PCSK2: variants seen among roughly 807,000 people sequenced by gnomAD.
PCSK2 encodes proprotein convertase subtilisin/kexin type 2.
A neutral mutation model predicts 69.7 loss-of-function variants in PCSK2; 14 were observed. The observed-to-expected ratio is 0.20, with a 90% confidence interval of 0.13 to 0.31. PCSK2 has a LOEUF of 0.31. Among genes scored for constraint, PCSK2 ranks in the 10% least tolerant of loss-of-function variants. The pLI is 1.00. For synonymous variants in PCSK2, 307 were observed against 320.7 expected, an observed-to-expected ratio of 0.96 and a Z score of 0.46; for missense variants, 544 against 842.5, an observed-to-expected ratio of 0.65 and a Z score of 4.39.
At chr20:17,353,231 G>A (rs1478856548) in intron 2 of PCSK2, among the ~76,000 whole-genome samples, 1 of 118,748 alleles carries the variant, frequency 8.4e-6, no homozygotes, top group Non-Finnish European at 1.7e-5. Flanking sequence ...GGGAGGCCAA[G>A]GCGGGCGGAT....
chr20:17,344,620 T>C (rs893074008), intron 2 of PCSK2, among the ~76,000 whole-genome samples: 1 of 116,172 alleles, frequency 8.6e-6, no homozygotes, highest in East Asian at 2.5e-4. Flanking sequence ...AAGAATTCAT[T>C]TGTATTCTGT....
At chr20:17,266,212 G>A (rs1443257340) in intron 2 of PCSK2, among the ~76,000 whole-genome samples, 1 of 152,208 alleles carries the variant, frequency 6.6e-6, no homozygotes, top group Non-Finnish European at 1.5e-5. Context: ...ATTTGCTTAT[G>A]CCCTGGAGTG....
intron 2 of PCSK2, among the ~76,000 whole-genome samples, chr20:17,342,364 C>T (rs1209168727): frequency 6.6e-6 from 1 of 152,218 alleles, no homozygotes; most frequent in Non-Finnish European, 1.5e-5. Context: ...GTCACCCAGA[C>T]TGGAGTGCAG....
chr20:17,432,971 A>T (rs554422372), intron 7 of PCSK2, among the ~76,000 whole-genome samples: 1 of 152,218 alleles, frequency 6.6e-6, no homozygotes. Context: ...GGGCTCAGGG[A>T]CAAGAGGCGC....
At chr20:17,295,554 T>G (rs60815768) in intron 2 of PCSK2, among the ~76,000 whole-genome samples, 3 of 147,710 alleles carry the variant, frequency 2.0e-5, no homozygotes, top group African/African-American at 7.4e-5. Flanking sequence ...TTATATATAT[T>G]TATTTATTTA....
At chr20:17,263,169 T>G in intron 2 of PCSK2, 1 of 974,470 alleles carries the variant, frequency 1.0e-6, no homozygotes, top group Non-Finnish European at 1.2e-6. Flanking sequence ...ACTTTTTGGC[T>G]TTTTTTGACT....
intron 11 of PCSK2, among the ~76,000 whole-genome samples, chr20:17,473,055 G>A (rs1004836538): frequency 7.1e-6 from 1 of 141,766 alleles, no homozygotes; most frequent in East Asian, 2.1e-4. Flanking sequence ...CTACGATTTT[G>A]CATGTTATCT....
At chr20:17,232,808 A>G (rs1023073538) in intron 1 of PCSK2, among the ~76,000 whole-genome samples, 1 of 152,248 alleles carries the variant, frequency 6.6e-6, no homozygotes, top group East Asian at 1.9e-4. Context: ...TAAAAACAGC[A>G]TATAGATTTG....
chr20:17,331,037 G>T lies in PCSK2; in HGVS notation c.283-27290G>T, dbSNP rs146039394. On this transcript the variant is annotated intron_variant, in intron 2 of 11. Transcript: ENST00000262545. ...TACAAGGGAAGCTGGGTAAGCAGCT[G>T]TCTGGCTCTTTTAGTCTCCACAGTG... Among the ~76,000 whole-genome samples the T allele has an allele frequency of 8.5e-5, 13 of 152,304 alleles. 1 individual carries two copies. The East Asian group carries it at 2.5e-3, about 29-fold the overall frequency.
At chr20:17,441,807 G>A (rs964386173) in intron 8 of PCSK2, among the ~76,000 whole-genome samples, 8 of 152,080 alleles carry the variant, frequency 5.3e-5, no homozygotes, top group Non-Finnish European at 7.4e-5. Context: ...AGATTTGGGT[G>A]GGGGCACAGC....
chr20:17,412,594 T>A (rs534102375), intron 6 of PCSK2, among the ~76,000 whole-genome samples: 32 of 152,262 alleles, frequency 2.1e-4, no homozygotes, highest in African/African-American at 7.5e-4. Context: ...GGAACCAAGT[T>A]GGAAAACACT....
chr20:17,226,852 G>A (rs1033132419), upstream of PCSK2: 3 of 141,542 alleles, frequency 2.1e-5, no homozygotes, highest in Non-Finnish European at 3.1e-5. Flanking sequence ...CGGCCGGGCC[G>A]GGCCGGGCCG....
At chr20:17,464,121 G>A (rs1214358409) in intron 10 of PCSK2, 1 of 152,102 alleles carries the variant, frequency 6.6e-6, no homozygotes, top group Non-Finnish European at 1.5e-5. Flanking sequence ...CTGTCTGTTG[G>A]AATGGTCTGA....
At chr20:17,405,901 C>T (rs1489708019) in intron 5 of PCSK2, among the ~76,000 whole-genome samples, 1 of 152,128 alleles carries the variant, frequency 6.6e-6, no homozygotes, top group Admixed American at 6.5e-5. Context: ...TTCTCACTTT[C>T]GGTGTGATGG....
intron 7 of PCSK2, among the ~76,000 whole-genome samples, chr20:17,436,318 A>T (rs1042910356): frequency 6.6e-6 from 1 of 151,582 alleles, no homozygotes; most frequent in Non-Finnish European, 1.5e-5. Flanking sequence ...TGCCTCCCCC[A>T]TCTATCATAT....
intron 2 of PCSK2, among the ~76,000 whole-genome samples, chr20:17,354,279 C>T (rs1011519858): frequency 2.0e-5 from 3 of 152,072 alleles, no homozygotes; most frequent in Non-Finnish European, 2.9e-5. Context: ...TTTGAGGAAG[C>T]GTTCTAAAAC....
intron 2 of PCSK2, among the ~76,000 whole-genome samples, chr20:17,308,752 G>T (rs1989408143): frequency 6.6e-6 from 1 of 152,142 alleles, no homozygotes; most frequent in African/African-American, 2.4e-5. Flanking sequence ...TCTTAGCCAG[G>T]ACCTCTAGCA....
At chr20:17,326,616 T>C (rs930346866) in intron 2 of PCSK2, among the ~76,000 whole-genome samples, 16 of 152,334 alleles carry the variant, frequency 1.1e-4, no homozygotes, top group African/African-American at 3.4e-4. Flanking sequence ...AATCTGAAAC[T>C]ATTCCAAAAT....
intron 7 of PCSK2, 42 bp downstream of exon 7, chr20:17,429,565 C>A: frequency 3.8e-6 from 5 of 1,311,526 alleles, no homozygotes; most frequent in Non-Finnish European, 4.4e-6. Context: ...CTAGGTATCA[C>A]ACTGATCTCA....
Sources: allele counts gnomAD v4.1 joint callset (sites outside exome capture counted in the v4.1 genomes callset), GRCh38; gene constraint gnomAD v4.1.1; transcripts MANE v1.5; gene names NCBI Gene and HGNC (gene_info 2026-07-23, HGNC 2026-07-21).